Variants in CRY1 observed in about 807,000 individuals in gnomAD.
The protein encoded by CRY1 is cryptochrome-1.
Under a neutral mutation model 76.0 loss-of-function variants are expected in CRY1, and 45 were observed. That is an observed-to-expected ratio of 0.59 (90% confidence interval 0.47 to 0.76). CRY1 has a LOEUF of 0.76. CRY1 is among the 30% of genes least tolerant of loss of function. CRY1 has a pLI of 0.00. For synonymous variants in CRY1, 248 were observed against 244.0 expected, an observed-to-expected ratio of 1.02 and a Z score of -0.15; for missense variants, 587 against 716.4, an observed-to-expected ratio of 0.82 and a Z score of 2.06.
chr12:107,008,756 A>C (rs547444732), intron 2 of CRY1, among the ~76,000 whole-genome samples: 4 of 152,196 alleles, frequency 2.6e-5, no homozygotes, highest in Non-Finnish European at 4.4e-5. Flanking sequence ...GGAGGGACCC[A>C]GTGGGAGGTA....
In CRY1 at chr12:107,093,539, C is replaced by G. The variant is rs1326437880; in HGVS notation, c.-578G>C. 1.3e-5 allele frequency: 2 copies of G among 152,304 alleles called. No homozygotes were observed. Among genetic ancestry groups the G allele is most frequent in the Non-Finnish European group, 2.9e-5 (2 of 68,106 alleles). 9.4% of individuals were successfully genotyped at this position (152,304 alleles called of 1,614,324 possible). ...GCCGGTGACCGGTCCCGAGGCTGCCCGGGTGACTCTGCCGCCGCCGCCGCG... is the reference window on the plus strand; with the variant it reads ...GCCGGTGACCGGTCCCGAGGCTGCCGGGGTGACTCTGCCGCCGCCGCCGCG... On this transcript the variant is annotated 5_prime_UTR_variant, in exon 1 of 13. Transcript: ENST00000008527.
intron 1 of CRY1, among the ~76,000 whole-genome samples, chr12:107,026,157 A>ATGTTATATATGTTATATATGT (rs1160937379): frequency 7.9e-5 from 6 of 75,702 alleles, no homozygotes; most frequent in African/African-American, 3.6e-4. Context: ...TATATATATA[A>ATGTTATATATGTTATATATGT]AATATATATA....
intron 1 of CRY1, among the ~76,000 whole-genome samples, chr12:107,026,164 T>TA (rs1412328457): frequency 2.9e-4 from 6 of 20,942 alleles, no homozygotes; most frequent in Non-Finnish European, 5.2e-4. Flanking sequence ...ATAAAATATA[T>TA]ATATATATAT....
At chr12:107,007,520 T>G (rs1952388186) in intron 2 of CRY1, among the ~76,000 whole-genome samples, 1 of 151,368 alleles carries the variant, frequency 6.6e-6, no homozygotes, top group Admixed American at 6.6e-5. Context: ...TGACAGGAAC[T>G]CTTTTTCTTC....
intron 1 of CRY1, 57 bp from the exon 2 acceptor site, chr12:107,022,249 AATT>A (rs1952567726): frequency 2.9e-6 from 3 of 1,037,946 alleles, no homozygotes; most frequent in African/African-American, 1.7e-5. Flanking sequence ...AGAAGACATA[AATT>A]ATTACAAAGT....
At chr12:107,068,037 G>A (rs529566356) in intron 1 of CRY1, among the ~76,000 whole-genome samples, 41 of 152,144 alleles carry the variant, frequency 2.7e-4, no homozygotes, top group Non-Finnish European at 5.3e-4. Context: ...TTGCTTATAT[G>A]TAGCAAGGGG....
At chr12:107,086,637 C>T (rs539559052) in intron 1 of CRY1, among the ~76,000 whole-genome samples, 11 of 152,356 alleles carry the variant, frequency 7.2e-5, no homozygotes, top group Admixed American at 7.2e-4. Flanking sequence ...GACTGCCACT[C>T]CAGTGGGTGC....
intron 2 of CRY1, among the ~76,000 whole-genome samples, chr12:107,021,769 A>G (rs766173998): frequency 4.7e-4 from 72 of 152,268 alleles, no homozygotes; most frequent in Middle Eastern, 3.4e-3. Context: ...TTGTTTATGC[A>G]AAGAATATTT....
At chr12:107,042,098 AT>A (rs1225239056) in intron 1 of CRY1, among the ~76,000 whole-genome samples, 4 of 152,244 alleles carry the variant, frequency 2.6e-5, no homozygotes, top group Admixed American at 1.3e-4. Flanking sequence ...AGTAAAAAAA[AT>A]ATACTCATGA....
At chr12:107,017,151 C>T (rs1324270543) in intron 2 of CRY1, among the ~76,000 whole-genome samples, 1 of 152,240 alleles carries the variant, frequency 6.6e-6, no homozygotes, top group Non-Finnish European at 1.5e-5. Flanking sequence ...GCATCTATTT[C>T]ACTCCGAGTA....
intron 1 of CRY1, among the ~76,000 whole-genome samples, chr12:107,040,287 GTTT>G (rs58899017): frequency 3.4e-5 from 4 of 117,650 alleles, no homozygotes; most frequent in East Asian, 2.6e-4. Context: ...TTTTTTTTTA[GTTT>G]TTTTTTTTTT....
intron 3 of CRY1, among the ~76,000 whole-genome samples, chr12:107,002,442 T>C (rs756547149): frequency 1.3e-5 from 2 of 152,206 alleles, no homozygotes; most frequent in Admixed American, 6.5e-5. Flanking sequence ...CAACACATTA[T>C]GGGATACATG....
rs774535888 is a variant in CRY1, at chr12:107,005,255, TA to T, written c.268-8del. 52 of 1,606,440 alleles carry T rather than the reference TA, an allele frequency of 3.2e-5. No individual in the cohort carries two copies. The African/African-American group carries it at 6.8e-4, about 21-fold the overall frequency. Reference sequence around the variant, plus strand: ...GTTTAGTAATGTTCCATTCCTAAAGTAAGAGAAAGGGGAACAATGTACACCA... The same window carrying T: ...GTTTAGTAATGTTCCATTCCTAAAGTAGAGAAAGGGGAACAATGTACACCA... On this transcript the variant is annotated splice_region_variant and splice_polypyrimidine_tract_variant and intron_variant, in intron 2 of 12. Transcript: ENST00000008527.
Position 106,991,976 on chromosome 12 carries a change from G to A in CRY1, c.*26C>T, listed in dbSNP as rs1952185220. 1 of 152,100 alleles carries A rather than the reference G, an allele frequency of 6.6e-6. No homozygotes were observed. The highest frequency in any genetic ancestry group is 1.5e-5 in the Non-Finnish European group (1 of 67,980). The allele number at this position is 152,100 out of a possible 1,614,324, so 9.4% of individuals were successfully genotyped here. ...ATTGAACTCCCCACCAATTTCAGCT[G>A]CAACAGTATTCCTCCTGAATGTTTT... On this transcript the variant is annotated 3_prime_UTR_variant, in exon 13 of 13. Coordinates refer to ENST00000008527, the MANE Select transcript of CRY1 (RefSeq NM_004075.5).
intron 1 of CRY1, among the ~76,000 whole-genome samples, chr12:107,061,408 T>C (rs1411833407): frequency 1.3e-5 from 2 of 151,756 alleles, no homozygotes; most frequent in African/African-American, 4.8e-5. Context: ...AGTCTCACTC[T>C]GTTGTCCAGG....
In CRY1 at chr12:106,991,980, C is replaced by T. The variant is rs1952185283; in HGVS notation, c.*22G>A. The stretch of plus-strand genomic sequence containing the variant: ...AACTCCCCACCAATTTCAGCTGCAA[C>T]AGTATTCCTCCTGAATGTTTTCTGT... On this transcript the variant is annotated 3_prime_UTR_variant, in exon 13 of 13. Coordinates refer to ENST00000008527, the MANE Select transcript of CRY1 (RefSeq NM_004075.5). 1 of 152,028 alleles carries T rather than the reference C, an allele frequency of 6.6e-6. No homozygotes were observed. The highest frequency in any genetic ancestry group is 6.6e-5 in the Admixed American group (1 of 15,262). 9.4% of individuals were successfully genotyped at this position (152,028 alleles called of 1,614,324 possible). A position where few individuals can be genotyped will look rare whatever the true frequency, so the allele number is the denominator to read the frequency against.
intron 1 of CRY1, among the ~76,000 whole-genome samples, chr12:107,085,078 G>A (rs1953380696): frequency 6.6e-6 from 1 of 151,878 alleles, no homozygotes; most frequent in Non-Finnish European, 1.5e-5. Flanking sequence ...CATCATCACT[G>A]GTCATTAGAG....
At chr12:107,083,441 C>T (rs1233282429) in intron 1 of CRY1, among the ~76,000 whole-genome samples, 1 of 152,128 alleles carries the variant, frequency 6.6e-6, no homozygotes, top group Non-Finnish European at 1.5e-5. Flanking sequence ...TGAAAATACT[C>T]AATAAAATAC....
intron 2 of CRY1, among the ~76,000 whole-genome samples, chr12:107,013,470 T>G (rs1048179536): frequency 6.6e-6 from 1 of 152,236 alleles, no homozygotes; most frequent in Non-Finnish European, 1.5e-5. Flanking sequence ...TTTATACATA[T>G]GCATTGGAAA....
Sources: gnomAD v4.1 joint callset for allele counts (sites outside exome capture counted in the v4.1 genomes callset) on GRCh38, gnomAD v4.1.1 for gene constraint, MANE v1.5 for transcripts, NCBI Gene and HGNC (gene_info 2026-07-23, HGNC 2026-07-21) for gene names.